PBX1: variants seen among roughly 807,000 people sequenced by gnomAD.
The protein encoded by PBX1 is PBX homeobox 1.
PBX1 carries 6 observed loss-of-function variants against 53.4 expected under a neutral mutation model. That is an observed-to-expected ratio of 0.11 (90% CI 0.06 to 0.22). The LOEUF is 0.22. Ranked by LOEUF, PBX1 falls within the 10% of genes least tolerant of loss-of-function variation. The probability of loss-of-function intolerance (pLI) is 1.00; values close to 1 mark genes in which losing one functional copy is unlikely to be tolerated. For missense variants in PBX1, 251 were observed against 551.4 expected (o/e 0.46, Z 5.46); for synonymous variants, 204 against 212.3 (o/e 0.96, Z 0.34).
chr1:164,651,309 G>T (rs959490636), intron 2 of PBX1, among the ~76,000 whole-genome samples: 1 of 152,004 alleles, frequency 6.6e-6, no homozygotes, highest in Non-Finnish European at 1.5e-5. Context: ...CAAGCTGTCG[G>T]TTTGCATTGT....
intron 2 of PBX1, chr1:164,625,809 T>TAA (rs200931470): frequency 4.9e-4 from 141 of 288,112 alleles, no homozygotes; most frequent in Non-Finnish European, 6.3e-4. Context: ...TGATGGGATT[T>TAA]AAAAAAAAAA....
At chr1:164,586,315 C>T (rs1316287940) in intron 2 of PBX1, among the ~76,000 whole-genome samples, 2 of 152,200 alleles carry the variant, frequency 1.3e-5, no homozygotes, top group Non-Finnish European at 2.9e-5. Flanking sequence ...CTGAAGTTAT[C>T]CCTGTTGCAA....
At chr1:164,590,835 A>G (rs1484457599) in intron 2 of PBX1, among the ~76,000 whole-genome samples, 1 of 151,860 alleles carries the variant, frequency 6.6e-6, no homozygotes. Flanking sequence ...CCTTCCAGAC[A>G]TTTATTGAGG....
intron 2 of PBX1, among the ~76,000 whole-genome samples, chr1:164,729,227 C>G (rs1166905558): frequency 6.6e-6 from 1 of 152,182 alleles, no homozygotes; most frequent in African/African-American, 2.4e-5. Context: ...CTTAGACTGC[C>G]TGCATCAAAT....
intron 2 of PBX1, among the ~76,000 whole-genome samples, chr1:164,605,722 T>G (rs768979100): frequency 6.6e-6 from 1 of 152,210 alleles, no homozygotes; most frequent in African/African-American, 2.4e-5. Context: ...GCTGGGTTTA[T>G]GTACTCAAGG....
At chr1:164,678,964 G>A (rs1038499951) in intron 2 of PBX1, among the ~76,000 whole-genome samples, 12 of 152,220 alleles carry the variant, frequency 7.9e-5, no homozygotes, top group East Asian at 5.8e-4. Flanking sequence ...AATCACGTAC[G>A]TGGTGTGGAA....
In PBX1 at chr1:164,717,990, A is replaced by C. The variant is rs151272876; in HGVS notation, c.266-74504A>C. Among the ~76,000 whole-genome samples the C allele has an allele frequency of 6.4e-3, 970 of 152,358 alleles. 1 individual carries two copies. The highest frequency in any genetic ancestry group is 0.01 in the Non-Finnish European group (700 of 68,030). ...ATATTTGTTGATTTAATTCTCAAAAAGAATATCAGGGCAAATGACATTATC... is the reference window on the plus strand; with the variant it reads ...ATATTTGTTGATTTAATTCTCAAAACGAATATCAGGGCAAATGACATTATC... On this transcript the variant is annotated intron_variant, in intron 2 of 8. Transcript: ENST00000420696.
chr1:164,563,354 T>A (rs1653198370), intron 2 of PBX1, 43 bp downstream of exon 2: 3 of 1,244,446 alleles, frequency 2.4e-6, no homozygotes, highest in Middle Eastern at 1.9e-4. Context: ...CTTTGGCCAA[T>A]TAAATCACTT....
At chr1:164,794,138 G>T (rs1668670575) in intron 3 of PBX1, among the ~76,000 whole-genome samples, 1 of 152,144 alleles carries the variant, frequency 6.6e-6, no homozygotes, top group Non-Finnish European at 1.5e-5. Context: ...GCCTTCTAAA[G>T]TGCTGGGATT....
intron 2 of PBX1, among the ~76,000 whole-genome samples, chr1:164,685,670 A>G (rs1203993179): frequency 3.3e-5 from 5 of 152,226 alleles, no homozygotes; most frequent in African/African-American, 9.6e-5. Context: ...CATTTTTACA[A>G]TTATTACAGC....
chr1:164,667,428 G>A (rs200465421), intron 2 of PBX1, among the ~76,000 whole-genome samples: 1 of 151,262 alleles, frequency 6.6e-6, no homozygotes. Context: ...GTGTGTGTGT[G>A]TGTGTATATA....
chr1:164,680,215 A>G (rs1023146688), intron 2 of PBX1: 1 of 152,226 alleles, frequency 6.6e-6, no homozygotes, highest in Non-Finnish European at 1.5e-5. Context: ...ATTAGAACTT[A>G]GTTACTTAAA....
At chr1:164,701,579 A>G (rs943728533) in intron 2 of PBX1, among the ~76,000 whole-genome samples, 1 of 152,182 alleles carries the variant, frequency 6.6e-6, no homozygotes, top group African/African-American at 2.4e-5. Flanking sequence ...TGTGGTACTT[A>G]CGTCACTTAT....
chr1:164,760,189 A>G (rs1291857094), intron 2 of PBX1, among the ~76,000 whole-genome samples: 2 of 152,204 alleles, frequency 1.3e-5, no homozygotes, highest in East Asian at 1.9e-4. Context: ...GGCTGGAGCC[A>G]CTTACCATGT....
chr1:164,617,821 T>G (rs1657381995), intron 2 of PBX1, among the ~76,000 whole-genome samples: 2 of 152,224 alleles, frequency 1.3e-5, no homozygotes, highest in Admixed American at 1.3e-4. Flanking sequence ...CATATTCCAC[T>G]AACTTCTACA....
At chr1:164,870,568 T>C (rs1672359049) in intron 2 of PBX1, among the ~76,000 whole-genome samples, 1 of 151,962 alleles carries the variant, frequency 6.6e-6, no homozygotes, top group Non-Finnish European at 1.5e-5. Flanking sequence ...GGTCTTGAAC[T>C]CCTGACCTCA....
intron 2 of PBX1, among the ~76,000 whole-genome samples, chr1:164,788,957 A>G (rs1571409929): frequency 3.3e-5 from 5 of 152,174 alleles, no homozygotes; most frequent in Admixed American, 3.3e-4. Flanking sequence ...TTTAGGGAGT[A>G]TTTATTTGCA....
intron 2 of PBX1, among the ~76,000 whole-genome samples, chr1:164,640,542 GGTGTTTTTTTTTT>G (rs1264853795): frequency 7.4e-6 from 1 of 135,922 alleles, no homozygotes; most frequent in African/African-American, 2.6e-5. Context: ...CTCGTTTTTT[GGTGTTTTTTTTTT>G]GTGTTTTTTT....
At chr1:164,819,783 C>G in intron 6 of PBX1, 1 of 288,098 alleles carries the variant, frequency 3.5e-6, no homozygotes, top group South Asian at 6.8e-5. Flanking sequence ...TCCAAATAGA[C>G]TAAGTTGGGA....
Sources: gnomAD v4.1 joint callset for allele counts (sites outside exome capture counted in the v4.1 genomes callset) on GRCh38, gnomAD v4.1.1 for gene constraint, MANE v1.5 for transcripts, NCBI Gene and HGNC (gene_info 2026-07-23, HGNC 2026-07-21) for gene names.